The following PTK2 variants were observed in gnomAD, a reference collection of about 807,000 sequenced individuals.
PTK2 encodes the protein protein tyrosine kinase 2, also known as focal adhesion kinase 1.
In PTK2, 45 loss-of-function variants were observed where a neutral mutation model predicts 150.1. The ratio of observed to expected loss-of-function variants is 0.30; its 90% CI spans 0.24 to 0.38. The LOEUF (loss-of-function observed/expected upper bound fraction) is 0.38. Among genes scored for constraint, PTK2 ranks in the 10% least tolerant of loss-of-function variants. PTK2 has a pLI of 1.00. For missense variants in PTK2, 919 were observed against 1,307.3 expected (o/e 0.70, Z 4.58); for synonymous variants, 432 against 449.2 (o/e 0.96, Z 0.48).
At chr8:140,782,637 G>T (rs1291762356) in intron 14 of PTK2, among the ~76,000 whole-genome samples, 3 of 151,740 alleles carry the variant, frequency 2.0e-5, no homozygotes, top group Non-Finnish European at 2.9e-5. Context: ...CTCAAATTAG[G>T]GCAAGGTTTT....
At chr8:140,896,796 G>GGT (rs1568397769) in intron 2 of PTK2, among the ~76,000 whole-genome samples, 1 of 127,686 alleles carries the variant, frequency 7.8e-6, no homozygotes, top group East Asian at 2.2e-4. Context: ...AACGGGGGGG[G>GGT]GGGGTGGGTA....
intron 29 of PTK2, among the ~76,000 whole-genome samples, chr8:140,671,887 G>A (rs1370491895): frequency 4.3e-5 from 6 of 139,278 alleles, no homozygotes; most frequent in African/African-American, 7.9e-5. Context: ...AGCCAAGATC[G>A]CACCACTGCA....
chr8:140,897,072 A>G (rs1056984714), intron 2 of PTK2, among the ~76,000 whole-genome samples: 26 of 152,194 alleles, frequency 1.7e-4, no homozygotes, highest in African/African-American at 6.3e-4. Context: ...AGAAAAGATT[A>G]CACCTCACAA....
At chr8:140,728,054 C>A (rs531305019) in intron 22 of PTK2, among the ~76,000 whole-genome samples, 1 of 152,090 alleles carries the variant, frequency 6.6e-6, no homozygotes, top group South Asian at 2.1e-4. Flanking sequence ...AAAAAAGTAG[C>A]CCAGCACAGT....
chr8:140,729,210 C>T (rs892789660), intron 22 of PTK2, among the ~76,000 whole-genome samples: 1 of 152,166 alleles, frequency 6.6e-6, no homozygotes, highest in African/African-American at 2.4e-5. Flanking sequence ...AGACAAATAA[C>T]TAAAAACTGA....
chr8:140,721,662 T>C (rs1014829001), intron 22 of PTK2: 2 of 152,178 alleles, frequency 1.3e-5, no homozygotes, highest in African/African-American at 4.8e-5. Context: ...TCCTCACCTA[T>C]ACACCTTCTT....
At chr8:140,943,447 T>C (rs2100176548) in intron 1 of PTK2, among the ~76,000 whole-genome samples, 1 of 152,246 alleles carries the variant, frequency 6.6e-6, no homozygotes, top group African/African-American at 2.4e-5. Flanking sequence ...GATTCCATTG[T>C]ATAGGTGTAC....
chr8:140,937,319 G>A (rs2100173994), intron 1 of PTK2, among the ~76,000 whole-genome samples: 1 of 152,098 alleles, frequency 6.6e-6, no homozygotes, highest in South Asian at 2.1e-4. Flanking sequence ...TACTTCAGCT[G>A]TGGTTTTAAG....
chr8:140,928,134 T>C (rs2100170396), intron 1 of PTK2, among the ~76,000 whole-genome samples: 1 of 151,606 alleles, frequency 6.6e-6, no homozygotes, highest in Non-Finnish European at 1.5e-5. Flanking sequence ...TCAATTTCCC[T>C]CCCGTATGCT....
At chr8:140,762,006 C>T (rs2100069682) in intron 15 of PTK2, among the ~76,000 whole-genome samples, 1 of 152,006 alleles carries the variant, frequency 6.6e-6, no homozygotes, top group African/African-American at 2.4e-5. Flanking sequence ...GTAATAGATT[C>T]AATTATAACC....
chr8:140,869,339 C>G (rs2100141194), intron 4 of PTK2, among the ~76,000 whole-genome samples: 1 of 152,198 alleles, frequency 6.6e-6, no homozygotes, highest in South Asian at 2.1e-4. Context: ...GATGAACAGT[C>G]TAACTTGGGT....
In PTK2 at chr8:140,762,396, G is replaced by T; in HGVS notation, c.1235-1134C>A. ...CATCTATTCCATAGCTTTCTGTATT[G>T]CAATTAAGAGAGAAAAAAATTGAAG... is the stretch of plus-strand genomic sequence containing the variant. On this transcript the variant is annotated intron_variant, in intron 15 of 31. Transcript: ENST00000522684. 1 of 1,144,864 alleles carries T rather than the reference G, an allele frequency of 8.7e-7. No homozygotes were observed. Among genetic ancestry groups the T allele is most frequent in the Non-Finnish European group, 1.1e-6 (1 of 919,514 alleles). The allele number at this position is 1,144,864 out of a possible 1,614,324, so 70.9% of individuals were successfully genotyped here.
chr8:140,735,129 G>T, intron 22 of PTK2, 122 bp downstream of exon 25: 3 of 898,638 alleles, frequency 3.3e-6, no homozygotes, highest in Non-Finnish European at 5.1e-6. Context: ...AATTGCATTT[G>T]AACGAAAAAT....
intron 4 of PTK2, among the ~76,000 whole-genome samples, chr8:140,877,475 A>AACT (rs1296759310): frequency 1.3e-5 from 2 of 152,198 alleles, no homozygotes; most frequent in African/African-American, 4.8e-5. Flanking sequence ...CTGTGTCACA[A>AACT]ACTATGTAAC....
chr8:140,659,517 A>C, exon 32 of PTK2: 1 of 1,613,636 alleles, frequency 6.2e-7, no homozygotes, highest in Non-Finnish European at 8.5e-7. Flanking sequence ...GGTCAATGAC[A>C]TCGAGTAAGT....
rs1314533777 is a variant in PTK2 at position 140,729,194 on chromosome 8, T to C, written c.2030+6057A>G. Among the ~76,000 whole-genome samples the C allele has an allele frequency of 3.3e-5, 5 of 152,296 alleles. No homozygotes were observed. The East Asian group carries it at 7.7e-4, about 23-fold the overall frequency. The stretch of plus-strand genomic sequence containing the variant: ...TTAAGAAGCAAAACATGACAGCACA[T>C]GGTTAAGACAAATAACTAAAAACTG... On this transcript the variant is annotated intron_variant, in intron 22 of 31. Coordinates refer to ENST00000522684, the Ensembl canonical transcript of PTK2.
intron 26 of PTK2, among the ~76,000 whole-genome samples, chr8:140,692,272 G>A (rs1439486885): frequency 2.0e-5 from 3 of 152,094 alleles, no homozygotes; most frequent in Non-Finnish European, 4.4e-5. Context: ...TGAAAGATGA[G>A]TGCCTATTGG....
At chr8:140,854,645 T>C (rs1043626891) in intron 5 of PTK2, among the ~76,000 whole-genome samples, 5 of 152,220 alleles carry the variant, frequency 3.3e-5, no homozygotes, top group African/African-American at 4.8e-5. Flanking sequence ...CTAATTAATA[T>C]ATTTCAGAAT....
At chr8:140,900,712 A>ACT (rs2100158127) in intron 2 of PTK2, among the ~76,000 whole-genome samples, 1 of 151,866 alleles carries the variant, frequency 6.6e-6, no homozygotes, top group African/African-American at 2.4e-5. Context: ...ACAAAGTGAG[A>ACT]CTGTCTCAAA....
Sources: allele counts gnomAD v4.1 joint callset (sites outside exome capture counted in the v4.1 genomes callset), GRCh38; gene constraint gnomAD v4.1.1; transcripts MANE v1.5; gene names NCBI Gene and HGNC (gene_info 2026-07-23, HGNC 2026-07-21).